ZFPM2: variants seen among roughly 807,000 people sequenced by gnomAD.
ZFPM2 encodes zinc finger protein, FOG family member 2, also known as zinc finger protein ZFPM2.
A neutral mutation model predicts 98.6 loss-of-function variants in ZFPM2; 20 were observed. The ratio of observed to expected loss-of-function variants is 0.20; its 90% CI spans 0.14 to 0.29. The LOEUF is 0.29. Ranked by LOEUF, ZFPM2 falls within the 10% of genes least tolerant of loss-of-function variation. The pLI is 1.00. For missense variants in ZFPM2, 1,310 were observed against 1,388.6 expected (o/e 0.94, Z 0.90); for synonymous variants, 518 against 502.7 (o/e 1.03, Z -0.41).
At chr8:105,441,719 T>C (rs1329495196) in intron 2 of ZFPM2, among the ~76,000 whole-genome samples, 1 of 152,096 alleles carries the variant, frequency 6.6e-6, no homozygotes, top group Non-Finnish European at 1.5e-5. Flanking sequence ...CTTACATGTA[T>C]GTAGGGGTGA....
chr8:105,340,450 A>C (rs1240507538), intron 1 of ZFPM2, among the ~76,000 whole-genome samples: 1 of 151,974 alleles, frequency 6.6e-6, no homozygotes, highest in East Asian at 1.9e-4. Flanking sequence ...TGGCAATCAT[A>C]TACATTTTTG....
intron 5 of ZFPM2, among the ~76,000 whole-genome samples, chr8:105,712,351 C>T (rs1247500637): frequency 6.6e-6 from 1 of 152,004 alleles, no homozygotes; most frequent in Admixed American, 6.6e-5. Context: ...TTTTGAAAGA[C>T]AGACCATAAA....
intron 5 of ZFPM2, among the ~76,000 whole-genome samples, chr8:105,707,589 T>G (rs1403187799): frequency 6.6e-6 from 1 of 152,180 alleles, no homozygotes; most frequent in Admixed American, 6.5e-5. Flanking sequence ...TGTATGGCCT[T>G]GTACTGTTGC....
intron 5 of ZFPM2, among the ~76,000 whole-genome samples, chr8:105,740,289 A>G (rs1403561453): frequency 6.6e-6 from 1 of 151,982 alleles, no homozygotes; most frequent in East Asian, 1.9e-4. Flanking sequence ...AGGAACAAAA[A>G]TAATTGGTCA....
Position 105,788,737 on chromosome 8 carries a change from A to G in ZFPM2, c.552A>G (p.Thr184=). 1.2e-6 allele frequency: 2 copies of G among 1,613,938 alleles called. No homozygotes were observed. The highest frequency in any genetic ancestry group is 1.3e-5 in the African/African-American group (1 of 75,030). Residue 184 remains threonine, a synonymous_variant, in exon 6 of 8, where the codon ACA becomes ACG. Coordinates refer to ENST00000407775, the MANE Select transcript of ZFPM2 (RefSeq NM_012082.4). ...VYSKGGQLWC[T]TTKAISEGEE... ...TAATAGGGGGTCAGCTTTGGTGTAC[A>G]ACTACGAAGGCCATCTCTGAGGGTG...
intron 4 of ZFPM2, among the ~76,000 whole-genome samples, chr8:105,592,010 G>A (rs1466790860): frequency 1.3e-5 from 2 of 152,102 alleles, no homozygotes; most frequent in Non-Finnish European, 2.9e-5. Flanking sequence ...AGCAGCTTAG[G>A]GTTAATATTT....
chr8:105,677,774 G>T (rs1003638926), intron 5 of ZFPM2, among the ~76,000 whole-genome samples: 1 of 151,978 alleles, frequency 6.6e-6, no homozygotes, highest in African/African-American at 2.4e-5. Context: ...TCTTTTAAAT[G>T]ATATGTCTAG....
chr8:105,393,337 C>CCTTT (rs1196120373), intron 1 of ZFPM2, among the ~76,000 whole-genome samples: 5,650 of 114,514 alleles, frequency 0.049, 185 homozygotes, highest in East Asian at 0.064. Context: ...TCTCTCTTTG[C>CCTTT]CTTTCTTTCT....
At chr8:105,703,646 C>T (rs1362914716) in intron 5 of ZFPM2, among the ~76,000 whole-genome samples, 3 of 152,126 alleles carry the variant, frequency 2.0e-5, no homozygotes, top group Admixed American at 6.6e-5. Context: ...GCCTTCATTA[C>T]ATATGGCAAC....
At chr8:105,717,525 A>G (rs1284526169) in intron 5 of ZFPM2, among the ~76,000 whole-genome samples, 1 of 151,958 alleles carries the variant, frequency 6.6e-6, no homozygotes, top group Non-Finnish European at 1.5e-5. Flanking sequence ...TATGGCCTCC[A>G]CAGTATTGAG....
intron 5 of ZFPM2, among the ~76,000 whole-genome samples, chr8:105,748,348 G>A (rs1262343385): frequency 6.6e-6 from 1 of 152,050 alleles, no homozygotes; most frequent in African/African-American, 2.4e-5. Flanking sequence ...AAATCTGAAA[G>A]AGAATACATA....
At chr8:105,708,555 G>T (rs1325816403) in intron 5 of ZFPM2, among the ~76,000 whole-genome samples, 5 of 151,714 alleles carry the variant, frequency 3.3e-5, no homozygotes, top group Non-Finnish European at 5.9e-5. Flanking sequence ...TCAGCCTCCC[G>T]AGTAGTTGGG....
At chr8:105,738,800 G>T (rs1812149332) in intron 5 of ZFPM2, among the ~76,000 whole-genome samples, 1 of 151,692 alleles carries the variant, frequency 6.6e-6, no homozygotes, top group Non-Finnish European at 1.5e-5. Context: ...ATATGAAAAA[G>T]CAGCTAAATT....
chr8:105,382,246 T>C (rs1810903702), intron 1 of ZFPM2, among the ~76,000 whole-genome samples: 2 of 152,100 alleles, frequency 1.3e-5, no homozygotes, highest in South Asian at 2.1e-4. Flanking sequence ...TCCTTCTGTG[T>C]ATGCAATGCA....
intron 1 of ZFPM2, among the ~76,000 whole-genome samples, chr8:105,399,765 A>G (rs1811296685): frequency 6.6e-6 from 1 of 151,798 alleles, no homozygotes; most frequent in Non-Finnish European, 1.5e-5. Context: ...TAGATTTGTG[A>G]TACTTGTTTT....
chr8:105,549,371 C>T (rs1814788982), intron 3 of ZFPM2, among the ~76,000 whole-genome samples: 1 of 152,124 alleles, frequency 6.6e-6, no homozygotes, highest in African/African-American at 2.4e-5. Flanking sequence ...TTTGCAGTAG[C>T]TATGTACAAT....
At chr8:105,784,502 A>G (rs1198917879) in intron 5 of ZFPM2, among the ~76,000 whole-genome samples, 3 of 146,132 alleles carry the variant, frequency 2.1e-5, no homozygotes, top group Non-Finnish European at 4.4e-5. Context: ...GAAATGAGAA[A>G]TGAGACTAAT....
chr8:105,330,569 CATATATATATACAT>C (rs1181696290), intron 1 of ZFPM2, among the ~76,000 whole-genome samples: 9 of 52,668 alleles, frequency 1.7e-4, no homozygotes, highest in Non-Finnish European at 2.9e-4. Flanking sequence ...TATATATATA[CATATATATATACAT>C]ATATATATAT....
chr8:105,397,866 A>G (rs531637479), intron 1 of ZFPM2, among the ~76,000 whole-genome samples: 88 of 152,240 alleles, frequency 5.8e-4, no homozygotes, highest in African/African-American at 2.1e-3. Flanking sequence ...GGAAAAAAAA[A>G]ATCAGATATG....
Sources: gnomAD v4.1 joint callset for allele counts (sites outside exome capture counted in the v4.1 genomes callset) on GRCh38, gnomAD v4.1.1 for gene constraint, MANE v1.5 for transcripts, NCBI Gene and HGNC (gene_info 2026-07-23, HGNC 2026-07-21) for gene names.